The following CPQ variants were observed in gnomAD, a reference collection of about 807,000 sequenced individuals.
The protein encoded by CPQ is carboxypeptidase Q.
CPQ carries 37 observed loss-of-function variants against 45.7 expected under a neutral mutation model. That is an observed-to-expected ratio of 0.81 (90% CI 0.62 to 1.07). The LOEUF (loss-of-function observed/expected upper bound fraction) is 1.07. Ranked by LOEUF, CPQ falls within the 50% of genes least tolerant of loss-of-function variation. The pLI, the probability that CPQ is intolerant of heterozygous loss-of-function variation, is 0.00. For missense variants in CPQ, 537 were observed against 572.9 expected (o/e 0.94, Z 0.64); for synonymous variants, 186 against 205.8 (o/e 0.90, Z 0.82).
rs148284657 is a variant in CPQ at position 96,945,980 on chromosome 8, C to G, written c.850-19955C>G. On this transcript the variant is annotated intron_variant, in intron 4 of 7. Transcript: ENST00000220763. ...TTCAGCAGTGGCTGCTCATTTCATG[C>G]ACTGCAGAATCCCTGGGTCATGCTG... is the stretch of plus-strand genomic sequence containing the variant. Among the ~76,000 whole-genome samples the G allele has an allele frequency of 1.8e-3, 274 of 152,308 alleles. 1 individual carries two copies. Among genetic ancestry groups the G allele is most frequent in the African/African-American group, 6.4e-3 (265 of 41,584 alleles).
chr8:96,738,630 TC>T (rs778587863), intron 1 of CPQ, among the ~76,000 whole-genome samples: 2 of 151,866 alleles, frequency 1.3e-5, no homozygotes, highest in African/African-American at 2.4e-5. Flanking sequence ...CCCACAACAG[TC>T]CCCAGAGTGT....
At chr8:96,923,252 A>T (rs1286220559) in intron 4 of CPQ, among the ~76,000 whole-genome samples, 1 of 152,198 alleles carries the variant, frequency 6.6e-6, no homozygotes, top group Non-Finnish European at 1.5e-5. Context: ...ATAAAATATG[A>T]AATTGAATTG....
chr8:96,662,891 G>A (rs1808850948), intron 1 of CPQ, among the ~76,000 whole-genome samples: 1 of 152,298 alleles, frequency 6.6e-6, no homozygotes, highest in African/African-American at 2.4e-5. Context: ...GAGAGGCTGA[G>A]GCGGCAGGAT....
intron 3 of CPQ, among the ~76,000 whole-genome samples, chr8:96,874,843 A>G (rs1563518291): frequency 6.6e-6 from 1 of 151,916 alleles, no homozygotes; most frequent in Non-Finnish European, 1.5e-5. Context: ...TCATTTCGTT[A>G]TAATATATAC....
Position 96,892,523 on chromosome 8 carries a change from G to C in CPQ, c.849+12518G>C, listed in dbSNP as rs542372712. Among the ~76,000 whole-genome samples, 304 of 152,218 alleles carry C rather than the reference G, an allele frequency of 2.0e-3. 2 individuals carry two copies. The highest frequency in any genetic ancestry group is 6.8e-3 in the African/African-American group (282 of 41,538). ...TTAACCTTGAGTTGGAAAGTTTCAG[G>C]GGGGTGGGGTTAAAGAGTTTTAAGC... On this transcript the variant is annotated intron_variant, in intron 4 of 7. Transcript: ENST00000220763.
intron 1 of CPQ, among the ~76,000 whole-genome samples, chr8:96,774,479 G>T (rs1400639961): frequency 6.6e-6 from 1 of 152,106 alleles, no homozygotes; most frequent in African/African-American, 2.4e-5. Context: ...TGAGATGTGT[G>T]CAGAAATGTG....
intron 1 of CPQ, among the ~76,000 whole-genome samples, chr8:96,758,187 A>G (rs935925982): frequency 1.3e-5 from 2 of 152,204 alleles, no homozygotes; most frequent in African/African-American, 4.8e-5. Context: ...TAGCAAAAGT[A>G]AAATAAGTAG....
intron 2 of CPQ, among the ~76,000 whole-genome samples, chr8:96,807,529 G>C (rs746391695): frequency 6.6e-6 from 1 of 152,228 alleles, no homozygotes; most frequent in Admixed American, 6.5e-5. Flanking sequence ...CACCGCGCCC[G>C]GCTGAAAACT....
At chr8:97,001,551 G>A (rs923489674) in intron 5 of CPQ, among the ~76,000 whole-genome samples, 11 of 152,000 alleles carry the variant, frequency 7.2e-5, no homozygotes, top group African/African-American at 2.2e-4. Context: ...CACATTTCTT[G>A]ATTTGCATAT....
intron 7 of CPQ, among the ~76,000 whole-genome samples, chr8:97,068,629 A>G (rs1335114592): frequency 6.6e-6 from 1 of 152,200 alleles, no homozygotes; most frequent in African/African-American, 2.4e-5. Flanking sequence ...GTGAAACTCC[A>G]TCTGAAAACA....
chr8:96,867,544 T>A (rs532162890), intron 3 of CPQ, among the ~76,000 whole-genome samples: 3 of 152,080 alleles, frequency 2.0e-5, no homozygotes, highest in South Asian at 4.2e-4. Flanking sequence ...AATATAATAT[T>A]TACTCCTTTT....
At chr8:97,101,122 A>G (rs898847733) in intron 7 of CPQ, among the ~76,000 whole-genome samples, 3 of 152,152 alleles carry the variant, frequency 2.0e-5, no homozygotes, top group Non-Finnish European at 2.9e-5. Context: ...CTTGGCATAT[A>G]TAATACTCCT....
intron 2 of CPQ, among the ~76,000 whole-genome samples, chr8:96,809,172 A>G (rs1811126309): frequency 1.3e-5 from 2 of 151,956 alleles, no homozygotes; most frequent in Non-Finnish European, 2.9e-5. Flanking sequence ...TTATACATAT[A>G]TTGAACTATA....
chr8:96,775,614 A>C (rs972182614), intron 1 of CPQ, among the ~76,000 whole-genome samples: 1 of 152,240 alleles, frequency 6.6e-6, no homozygotes, highest in African/African-American at 2.4e-5. Flanking sequence ...GTTTCTTGAA[A>C]GAGTCAACTT....
chr8:96,659,976 A>G (rs182789201), intron 1 of CPQ, among the ~76,000 whole-genome samples: 1 of 152,290 alleles, frequency 6.6e-6, no homozygotes, highest in East Asian at 1.9e-4. Context: ...GAAGACCTAC[A>G]TTTTGAAAAA....
intron 7 of CPQ, among the ~76,000 whole-genome samples, chr8:97,123,015 A>AAAAT (rs1811757827): frequency 1.8e-5 from 1 of 55,972 alleles, no homozygotes; most frequent in Non-Finnish European, 3.2e-5. Flanking sequence ...AAAATAAAAT[A>AAAAT]AAATAAAATA....
intron 1 of CPQ, among the ~76,000 whole-genome samples, chr8:96,723,841 A>T (rs951184298): frequency 5.3e-5 from 8 of 152,130 alleles, no homozygotes; most frequent in African/African-American, 1.4e-4. Flanking sequence ...TAAAGTGATT[A>T]TTTATTCCCA....
chr8:96,817,029 A>G (rs1369031287), intron 2 of CPQ, among the ~76,000 whole-genome samples: 1 of 152,172 alleles, frequency 6.6e-6, no homozygotes, highest in South Asian at 2.1e-4. Flanking sequence ...TCATAGCTAC[A>G]TTAGTTTCCA....
chr8:96,678,600 A>G lies in CPQ; in HGVS notation c.-35+33198A>G, dbSNP rs184454049. Reference sequence around the variant, plus strand: ...TTTGTTATTTTATGTCCTTTTGAAAATAGCCATTCCAACTAGGGTGAGCTA... The same window carrying G: ...TTTGTTATTTTATGTCCTTTTGAAAGTAGCCATTCCAACTAGGGTGAGCTA... On this transcript the variant is annotated intron_variant, in intron 1 of 7. Coordinates refer to ENST00000220763, the MANE Select transcript of CPQ (RefSeq NM_016134.4). 3.7e-3 allele frequency among the ~76,000 whole-genome samples: 570 copies of G among 152,154 alleles called. 18 individuals carry two copies. Among genetic ancestry groups the G allele is most frequent in the Admixed American group, 0.033 (497 of 15,274 alleles).
Sources: gnomAD v4.1 joint callset for allele counts (sites outside exome capture counted in the v4.1 genomes callset) on GRCh38, gnomAD v4.1.1 for gene constraint, MANE v1.5 for transcripts, NCBI Gene and HGNC (gene_info 2026-07-23, HGNC 2026-07-21) for gene names.